PRRC2B: variants seen among roughly 807,000 people sequenced by gnomAD.
PRRC2B encodes proline rich coiled-coil 2B, also known as protein PRRC2B.
PRRC2B carries 68 observed loss-of-function variants against 242.3 expected under a neutral mutation model. The observed-to-expected ratio is 0.28, with a 90% CI of 0.23 to 0.34. The LOEUF (loss-of-function observed/expected upper bound fraction) is 0.34. Among genes scored for constraint, PRRC2B ranks in the 10% least tolerant of loss-of-function variants. The probability of loss-of-function intolerance (pLI) is 1.00; values close to 1 mark genes in which losing one functional copy is unlikely to be tolerated. For synonymous variants in PRRC2B, 1,228 were observed against 1,173.6 expected, an observed-to-expected ratio of 1.05 and a Z score of -0.95; for missense variants, 2,835 against 2,954.8, an observed-to-expected ratio of 0.96 and a Z score of 0.94.
chr9:131,403,356 A>T (rs1215786243), intron 1 of PRRC2B, among the ~76,000 whole-genome samples: 4 of 151,618 alleles, frequency 2.6e-5, no homozygotes, highest in Admixed American at 1.3e-4. Context: ...TTATTTATTT[A>T]TTTATTTTTT....
chr9:131,420,508 T>TCTTTCCTTCCTTCCTTCC (rs1837807733), intron 1 of PRRC2B, among the ~76,000 whole-genome samples: 2 of 129,502 alleles, frequency 1.5e-5, no homozygotes, highest in Non-Finnish European at 3.3e-5. Flanking sequence ...TTTTTTTTTT[T>TCTTTCCTTCCTTCCTTCC]TTGAGATGGA....
intron 8 of PRRC2B, among the ~76,000 whole-genome samples, 169 bp from the exon 9 acceptor site, chr9:131,447,493 C>T (rs1838841630): frequency 6.6e-6 from 1 of 152,182 alleles, no homozygotes; most frequent in Non-Finnish European, 1.5e-5. Context: ...GGCAGAACTT[C>T]TTTCTGGGAT....
intron 1 of PRRC2B, among the ~76,000 whole-genome samples, chr9:131,396,325 C>CTTTTTTTTTTTT (rs1165485887): frequency 1.6e-4 from 21 of 132,946 alleles, no homozygotes; most frequent in Non-Finnish European, 2.0e-4. Flanking sequence ...CTTTTCTTTT[C>CTTTTTTTTTTTT]TTTTTTTTTT....
chr9:131,489,522 T>A (rs1380454913), intron 28 of PRRC2B, among the ~76,000 whole-genome samples: 2 of 152,054 alleles, frequency 1.3e-5, no homozygotes, highest in Non-Finnish European at 2.9e-5. Context: ...TTGGCCTGGC[T>A]TCTTCCTCCC....
At chr9:131,384,771 T>G (rs896981576) in intron 1 of PRRC2B, among the ~76,000 whole-genome samples, 2 of 151,756 alleles carry the variant, frequency 1.3e-5, no homozygotes, top group African/African-American at 2.4e-5. Context: ...ATCAGGCTAG[T>G]CATGAACTCC....
At chr9:131,380,886 CAA>C (rs61180556) in intron 1 of PRRC2B, among the ~76,000 whole-genome samples, 5 of 108,302 alleles carry the variant, frequency 4.6e-5, no homozygotes, top group East Asian at 6.8e-4. Flanking sequence ...ATTCTGTCTC[CAA>C]AAAAAAAAAA....
chr9:131,396,364 C>T (rs1588236318), intron 1 of PRRC2B, among the ~76,000 whole-genome samples: 1 of 135,610 alleles, frequency 7.4e-6, no homozygotes, highest in African/African-American at 2.8e-5. Context: ...CTCACTCTGT[C>T]GCCCAGGCTG....
At chr9:131,470,286 G>A (rs983545541) in intron 13 of PRRC2B, among the ~76,000 whole-genome samples, 2 of 152,124 alleles carry the variant, frequency 1.3e-5, no homozygotes, top group Admixed American at 6.5e-5. Flanking sequence ...AACCACTGAA[G>A]GCTCTTTTGA....
chr9:131,393,456 AAC>A (rs1302985822), upstream of PRRC2B, among the ~76,000 whole-genome samples: 3 of 152,200 alleles, frequency 2.0e-5, no homozygotes, highest in African/African-American at 4.8e-5. Context: ...CAATCACACA[AAC>A]ACACAACACT....
upstream of PRRC2B, among the ~76,000 whole-genome samples, chr9:131,389,873 T>C (rs1461406156): frequency 6.7e-6 from 1 of 148,640 alleles, no homozygotes; most frequent in Non-Finnish European, 1.5e-5. Context: ...CTAGCTCTGC[T>C]GGTTGGAGAC....
intron 14 of PRRC2B, 58 bp downstream of exon 14, chr9:131,471,041 A>G (rs1217615339): frequency 8.5e-6 from 11 of 1,298,890 alleles, no homozygotes; most frequent in African/African-American, 1.5e-5. Flanking sequence ...GTGGTGGTCA[A>G]GGGTGTCCTC....
In PRRC2B at chr9:131,482,974, G is replaced by C; in HGVS notation, c.5373+67G>C. ...TTATTTTGGTACTTGGAGAGGCTGG[G>C]GGCTCAGATGGGATTGTCTCCTAGA... is the stretch of plus-strand genomic sequence containing the variant. On this transcript the variant is annotated intron_variant, in intron 22 of 31. Transcript: ENST00000683519. The surrounding 1 kb of genome is among the most constrained non-coding windows in gnomAD (Gnocchi z 5.2). 6.6e-7 allele frequency: 1 copy of C among 1,513,618 alleles called. No individual in the cohort carries two copies. The highest frequency in any genetic ancestry group is 2.0e-5 in the Admixed American group (1 of 50,710). 93.8% of individuals were successfully genotyped at this position (1,513,618 alleles called of 1,614,324 possible). A position where few individuals can be genotyped will look rare whatever the true frequency, so the allele number is the denominator to read the frequency against.
chr9:131,476,614 A>C, intron 16 of PRRC2B, 79 bp downstream of exon 16: 1 of 1,338,196 alleles, frequency 7.5e-7, no homozygotes, highest in Non-Finnish European at 1.0e-6. Flanking sequence ...ATGCATGCCG[A>C]TGCCGCCGTG....
intron 31 of PRRC2B, among the ~76,000 whole-genome samples, chr9:131,495,328 C>CAG (rs1944302321): frequency 6.6e-6 from 1 of 152,082 alleles, no homozygotes; most frequent in African/African-American, 2.4e-5. Flanking sequence ...CCCCAGCAGA[C>CAG]AGTCGGGGGC....
chr9:131,488,971 G>A (rs571698778), intron 28 of PRRC2B, among the ~76,000 whole-genome samples: 26 of 152,162 alleles, frequency 1.7e-4, no homozygotes, highest in South Asian at 1.5e-3. Context: ...AGATGACCCC[G>A]GGTCTCTGTG....
At position 131,495,754 on chromosome 9, in the gene PRRC2B, G is replaced by A; in HGVS notation, c.6570G>A (p.Val2190=). ...TCTGTCCAAAGGCAAAACAACGAGT[G>A]GATGAGAAACCCAGCCTGGGAGCCG... ...GHYVQQAKQR[V]DEKPSLGAVK... Residue 2190 remains valine, a synonymous_variant, in exon 32 of 32, where the codon GTG becomes GTA. Coordinates refer to ENST00000683519, the MANE Select transcript of PRRC2B (RefSeq NM_013318.4). The A allele has an allele frequency of 5.6e-6, 9 of 1,611,586 alleles. No homozygotes were observed. The highest frequency in any genetic ancestry group is 7.6e-6 in the Non-Finnish European group (9 of 1,177,918).
intron 5 of PRRC2B, among the ~76,000 whole-genome samples, chr9:131,439,950 T>C (rs564072863): frequency 6.6e-6 from 1 of 152,210 alleles, no homozygotes; most frequent in African/African-American, 2.4e-5. Flanking sequence ...TTTCACTATG[T>C]TGCCCAGGCT....
At chr9:131,472,128 T>G (rs1275788219) in intron 14 of PRRC2B, among the ~76,000 whole-genome samples, 4 of 152,170 alleles carry the variant, frequency 2.6e-5, no homozygotes, top group African/African-American at 9.7e-5. Flanking sequence ...ATAATTATAG[T>G]TTTCTGTTGA....
At chr9:131,409,227 G>A (rs1837444499) in intron 1 of PRRC2B, among the ~76,000 whole-genome samples, 1 of 152,136 alleles carries the variant, frequency 6.6e-6, no homozygotes, top group African/African-American at 2.4e-5. Context: ...TCTCCATGTT[G>A]GTCAGGCTGG....
Sources: allele counts gnomAD v4.1 joint callset (sites outside exome capture counted in the v4.1 genomes callset), GRCh38; gene constraint gnomAD v4.1.1; non-coding constraint Gnocchi (gnomAD v3.1); transcripts MANE v1.5; gene names NCBI Gene and HGNC (gene_info 2026-07-23, HGNC 2026-07-21).